Variants in FBXO7 observed in about 807,000 individuals in gnomAD.
The protein encoded by FBXO7 is F-box protein 7, also known as F-box only protein 7.
FBXO7 carries 31 observed loss-of-function variants against 50.2 expected under a neutral mutation model. That is an observed-to-expected ratio of 0.62 (90% CI 0.46 to 0.83). The LOEUF is 0.83. Among genes scored for constraint, FBXO7 ranks in the 40% least tolerant of loss-of-function variants. The pLI is 0.00. For synonymous variants in FBXO7, 256 were observed against 253.1 expected (o/e 1.01, Z -0.11); for missense variants, 667 against 646.6 (o/e 1.03, Z -0.34).
chr22:32,498,552 G>A lies in FBXO7; in HGVS notation c.*22G>A. On this transcript the variant is annotated 3_prime_UTR_variant, in exon 9 of 9. Transcript: ENST00000266087. ...GTGATTGATTTGTAATTTCATTTCT[G>A]GAGCTCCATTTGTTTTTGTTTCTAA... The A allele has an allele frequency of 6.2e-7, 1 of 1,606,494 alleles. No individual in the cohort carries two copies. Among genetic ancestry groups the A allele is most frequent in the Non-Finnish European group, 8.5e-7 (1 of 1,178,740 alleles).
chr22:32,485,009 A>G, intron 3 of FBXO7, 59 bp from the exon 4 acceptor site: 1 of 1,611,712 alleles, frequency 6.2e-7, no homozygotes, highest in East Asian at 2.2e-5. Flanking sequence ...TGGATTTTTA[A>G]TCTTTTTGAG....
At chr22:32,478,610 C>A (rs944653392) in intron 1 of FBXO7, among the ~76,000 whole-genome samples, 2 of 152,164 alleles carry the variant, frequency 1.3e-5, no homozygotes, top group East Asian at 1.9e-4. Flanking sequence ...GTCCTAGCTC[C>A]TCTGGAGGCT....
rs751519246 is a variant in FBXO7, at chr22:32,483,957, G to A, written c.478G>A (p.Gly160Ser). The change falls in exon 3 of 9, where the codon GGC becomes AGC. Residue 160 changes from glycine (G) to serine (S), a missense_variant. Coordinates refer to ENST00000266087, the MANE Select transcript of FBXO7 (RefSeq NM_012179.4). Reference sequence around the variant, plus strand: ...TCAAGATAATGCGCATATGGCAGAGGGCACAGGTTTCTATCCCTCAGAACC... The same window carrying A: ...TCAAGATAATGCGCATATGGCAGAGAGCACAGGTTTCTATCCCTCAGAACC... ...SIQDNAHMAE[G>S]TGFYPSEPML... 2 of 1,614,144 alleles carry A rather than the reference G, an allele frequency of 1.2e-6. No homozygotes were observed. The highest frequency in any genetic ancestry group is 2.2e-5 in the East Asian group (1 of 44,876).
chr22:32,495,368 GTT>G lies in FBXO7; in HGVS notation c.1145-111_1145-110del, dbSNP rs752933430. The stretch of plus-strand genomic sequence containing the variant: ...ATAGTGTGTGTTATATAAATGGTTA[GTT>G]TTTTTTTTTTTTTATGCTTAACGGG... On this transcript the variant is annotated intron_variant, in intron 7 of 8. Transcript: ENST00000266087. 1,067 of 499,710 alleles carry G rather than the reference GTT, an allele frequency of 2.1e-3. 3 individuals carry two copies. Among genetic ancestry groups the G allele is most frequent in the African/African-American group, 9.6e-3 (403 of 41,896 alleles). The allele number at this position is 499,710 out of a possible 1,614,324, so 31.0% of individuals were successfully genotyped here.
intron 2 of FBXO7, 99 bp from the exon 3 acceptor site, chr22:32,483,798 G>A: frequency 9.7e-7 from 1 of 1,033,004 alleles, no homozygotes; most frequent in Non-Finnish European, 1.5e-6. Context: ...ACCCAATGAT[G>A]TACTTTGACT....
intron 8 of FBXO7, among the ~76,000 whole-genome samples, chr22:32,497,293 T>G (rs1240201084): frequency 6.6e-6 from 1 of 152,194 alleles, no homozygotes; most frequent in Admixed American, 6.5e-5. Context: ...TGTAGTCTTT[T>G]AGCCGTCACC....
At position 32,498,752 on chromosome 22, in the gene FBXO7, C is replaced by T. The variant is rs2057595261; in HGVS notation, c.*222C>T. The T allele has an allele frequency of 1.7e-6, 1 of 591,626 alleles. No homozygotes were observed. Among genetic ancestry groups the T allele is most frequent in the Non-Finnish European group, 3.0e-6 (1 of 333,792 alleles). 36.6% of individuals were successfully genotyped at this position (591,626 alleles called of 1,614,324 possible). A position where few individuals can be genotyped will look rare whatever the true frequency, so the allele number is the denominator to read the frequency against. Reference sequence around the variant, plus strand: ...CTTGGGAATAGTTGGCTGCCAATCTCCCTGCTCTTGGTTCTCCTCTAGATT... The same window carrying T: ...CTTGGGAATAGTTGGCTGCCAATCTTCCTGCTCTTGGTTCTCCTCTAGATT... On this transcript the variant is annotated 3_prime_UTR_variant, in exon 9 of 9. Coordinates refer to ENST00000266087, the MANE Select transcript of FBXO7 (RefSeq NM_012179.4).
At chr22:32,487,704 G>A in intron 4 of FBXO7, 41 bp from the exon 5 acceptor site, 1 of 1,317,192 alleles carries the variant, frequency 7.6e-7, no homozygotes, top group Non-Finnish European at 1.1e-6. Flanking sequence ...AGTTGATGAA[G>A]TGACAGAATT....
intron 1 of FBXO7, 43 bp from the exon 2 acceptor site, chr22:32,478,938 G>C: frequency 6.4e-7 from 1 of 1,564,158 alleles, no homozygotes; most frequent in East Asian, 2.2e-5. Context: ...GAAGGTATTA[G>C]AAGTAGGTAG....
chr22:32,474,979 C>T lies in FBXO7; in HGVS notation c.-24C>T, dbSNP rs2057416298. ...CCCCGTCGCCGCTTCCGGGTCCAGG[C>T]CCCTCGGGCCGCCTGCCGCCGTCAT... On this transcript the variant is annotated 5_prime_UTR_variant, in exon 1 of 9. Transcript: ENST00000266087. The T allele has an allele frequency of 1.3e-6, 2 of 1,529,118 alleles. No individual in the cohort carries two copies. Among genetic ancestry groups the T allele is most frequent in the African/African-American group, 1.4e-5 (1 of 71,364 alleles). 94.7% of individuals were successfully genotyped at this position (1,529,118 alleles called of 1,614,324 possible).
At chr22:32,487,644 T>C in intron 4 of FBXO7, 101 bp from the exon 5 acceptor site, 1 of 749,758 alleles carries the variant, frequency 1.3e-6, no homozygotes. Context: ...TAATGTGTCC[T>C]TAGTATATTA....
Position 32,483,970 on chromosome 22 carries a change from A to G in FBXO7, c.491A>G (p.Tyr164Cys), listed in dbSNP as rs745379488. 6.8e-6 allele frequency: 11 copies of G among 1,614,094 alleles called. No individual in the cohort carries two copies. The highest frequency in any genetic ancestry group is 5.0e-5 in the Admixed American group (3 of 60,006). Residue 164 changes from tyrosine to cysteine, a missense_variant, in exon 3 of 9, where the codon TAT (tyrosine) becomes TGT (cysteine). Coordinates refer to ENST00000266087, the MANE Select transcript of FBXO7 (RefSeq NM_012179.4). ...CATATGGCAGAGGGCACAGGTTTCT[A>G]TCCCTCAGAACCCATGCTCTGTAGT... ...NAHMAEGTGF[Y>C]PSEPMLCSES...
rs200924336 is a variant in FBXO7, at chr22:32,485,137, A to G, written c.715A>G (p.Met239Val). ...GAGCGGGGTGTATAAGCTGCAGTACATGCATCCTCTCTGCGAGGGCAGCTC... is the reference window on the plus strand; with the variant it reads ...GAGCGGGGTGTATAAGCTGCAGTACGTGCATCCTCTCTGCGAGGGCAGCTC... ...KLSGVYKLQY[M>V]HPLCEGSSAT... Residue 239 changes from methionine to valine, a missense_variant, in exon 4 of 9, where the codon ATG becomes GTG. By Grantham distance (21) the Met-to-Val change is conservative. Transcript: ENST00000266087. The G allele has an allele frequency of 2.0e-5, 33 of 1,614,186 alleles. No homozygotes were observed. The highest frequency in any genetic ancestry group is 2.7e-5 in the Non-Finnish European group (32 of 1,180,038).
At chr22:32,497,965 T>C (rs532134730) in intron 8 of FBXO7, among the ~76,000 whole-genome samples, 179 bp from the exon 9 acceptor site, 23 of 152,370 alleles carry the variant, frequency 1.5e-4, no homozygotes, top group African/African-American at 4.6e-4. Flanking sequence ...ATAGCATTTA[T>C]ATACACTGGG....
chr22:32,496,218 C>T (rs181130740), intron 8 of FBXO7, among the ~76,000 whole-genome samples: 6 of 152,300 alleles, frequency 3.9e-5, no homozygotes, highest in East Asian at 1.9e-4. Context: ...TGGTGGCTCA[C>T]GCCTGTAATC....
chr22:32,493,305 A>G (rs1160660099), intron 7 of FBXO7, 24 bp downstream of exon 7: 1 of 1,600,998 alleles, frequency 6.2e-7, no homozygotes. Flanking sequence ...TGACATATTC[A>G]CAAGAAAGGG....
At position 32,493,253 on chromosome 22, in the gene FBXO7, G is replaced by A; in HGVS notation, c.1116G>A (p.Trp372Ter). The A allele has an allele frequency of 6.2e-7, 1 of 1,614,114 alleles. No individual in the cohort carries two copies. Among genetic ancestry groups the A allele is most frequent in the South Asian group, 1.1e-5 (1 of 91,072 alleles). The change falls in exon 7 of 9, where the codon TGG becomes TGA. Residue 372 changes from tryptophan (W) to a stop codon, truncating the protein, a stop_gained. Transcript: ENST00000266087. LOFTEE classifies it high-confidence loss of function. ...LFTASNDPLL[W>*]RFLYLRDFRD... ...CTGCTTCAAATGACCCACTCCTGTG[G>A]AGGTTTTTATATCTGCGTGATTTTC...
At chr22:32,484,995 C>CT (rs760079916) in intron 3 of FBXO7, 73 bp from the exon 4 acceptor site, 1 of 1,594,672 alleles carries the variant, frequency 6.3e-7, no homozygotes, top group Non-Finnish European at 8.6e-7. Flanking sequence ...AGTTAGGAGT[C>CT]TTTTGGATTT....
rs200664364 is a variant in FBXO7 at position 32,478,971 on chromosome 22, T to G, written c.123-10T>G. On this transcript the variant is annotated splice_polypyrimidine_tract_variant and intron_variant, in intron 1 of 8. Coordinates refer to ENST00000266087, the MANE Select transcript of FBXO7 (RefSeq NM_012179.4). ...TAGTTCTTACTATGCTTATCTGTCT[T>G]TCTTGGCAGTTCTAATACCCGATTT... 356 of 1,613,966 alleles carry G rather than the reference T, an allele frequency of 2.2e-4. 3 individuals are homozygous for G. The East Asian group carries it at 7.8e-3, about 35-fold the overall frequency.
Sources: gnomAD v4.1 joint callset for allele counts (sites outside exome capture counted in the v4.1 genomes callset) on GRCh38, gnomAD v4.1.1 for gene constraint, MANE v1.5 for transcripts, NCBI Gene and HGNC (gene_info 2026-07-23, HGNC 2026-07-21) for gene names.